FBXL3: variants seen among roughly 807,000 people sequenced by gnomAD.
FBXL3 encodes F-box/LRR-repeat protein 3.
In FBXL3, 14 loss-of-function variants were observed where a neutral mutation model predicts 37.9. The observed-to-expected ratio is 0.37, with a 90% CI of 0.24 to 0.58. The LOEUF (loss-of-function observed/expected upper bound fraction) is 0.58. Ranked by LOEUF, FBXL3 falls within the 20% of genes least tolerant of loss-of-function variation. The pLI, the probability that FBXL3 is intolerant of heterozygous loss-of-function variation, is 0.74. For missense variants in FBXL3, 327 were observed against 511.1 expected, an observed-to-expected ratio of 0.64 and a Z score of 3.47; for synonymous variants, 194 against 180.1, an observed-to-expected ratio of 1.08 and a Z score of -0.62.
intron 1 of FBXL3, among the ~76,000 whole-genome samples, chr13:77,023,006 G>A (rs1254188568): frequency 6.6e-6 from 1 of 152,182 alleles, no homozygotes; most frequent in African/African-American, 2.4e-5. Flanking sequence ...TCAAAGGGGA[G>A]ATACGACTGT....
intron 1 of FBXL3, among the ~76,000 whole-genome samples, chr13:77,024,576 T>C (rs2034804625): frequency 6.6e-6 from 1 of 152,210 alleles, no homozygotes; most frequent in African/African-American, 2.4e-5. Flanking sequence ...TGCTAATAAA[T>C]ACTTTGCTGG....
chr13:77,015,362 T>C lies in FBXL3; in HGVS notation c.643+47A>G, dbSNP rs369199498. On this transcript the variant is annotated intron_variant, in intron 4 of 4. Transcript: ENST00000355619. ...ATCATAGTTTTTTCTAATTTGAACA[T>C]AGCAATGCATTTTACTAAAATGTGT... 1.1e-5 allele frequency: 15 copies of C among 1,381,830 alleles called. 1 individual carries two copies. Among genetic ancestry groups the C allele is most frequent in the Middle Eastern group, 3.8e-4 (2 of 5,296 alleles). The allele number at this position is 1,381,830 out of a possible 1,614,324, so 85.6% of individuals were successfully genotyped here.
At chr13:77,015,998 C>T (rs2034635856) in intron 3 of FBXL3, 1 of 152,366 alleles carries the variant, frequency 6.6e-6, no homozygotes, top group Non-Finnish European at 1.5e-5. Flanking sequence ...CTATTAACAC[C>T]ATCATTAAAA....
rs1187238264 is a variant in FBXL3, at chr13:77,007,714, A to G, written c.718T>C (p.Leu240=). ...ALNYHLLSDE[L]LLALSSEKHV... is the part of the protein sequence containing the mutation. ...TTTTCAGAAGACAATGCAAGTAACA[A>G]CTCATCACTCAATAAGTGGTAGTTC... The change falls in exon 5 of 5, where the codon TTG becomes CTG. Residue 240 remains leucine (L), a synonymous_variant. Coordinates refer to ENST00000355619, the MANE Select transcript of FBXL3 (RefSeq NM_012158.4). 6.2e-7 allele frequency: 1 copy of G among 1,613,998 alleles called. No individual in the cohort carries two copies. Among genetic ancestry groups the G allele is most frequent in the Admixed American group, 1.7e-5 (1 of 59,996 alleles).
At chr13:77,016,155 A>G (rs1312965940) in intron 3 of FBXL3, 1 of 152,320 alleles carries the variant, frequency 6.6e-6, no homozygotes, top group Non-Finnish European at 1.5e-5. Context: ...CAAGTCTTCT[A>G]TTTTAATGTA....
At position 77,007,667 on chromosome 13, in the gene FBXL3, C is replaced by G. The variant is rs1215174703; in HGVS notation, c.765G>C (p.Leu255Phe). The stretch of plus-strand genomic sequence containing the variant: ...GATTCTCACTGACTACATCAATGCG[C>G]AAATGTTCTAATCGAACATGTTTTT... ...SSEKHVRLEH[L>F]RIDVVSENPG... The change falls in exon 5 of 5, where the codon TTG (leucine) becomes TTC (phenylalanine). Residue 255 changes from leucine (L) to phenylalanine (F), a missense_variant. Physicochemically the swap from Leu to Phe is conservative, Grantham distance 22 (BLOSUM62 0). Transcript: ENST00000355619. 6.2e-7 allele frequency: 1 copy of G among 1,614,056 alleles called. No individual in the cohort carries two copies. The highest frequency in any genetic ancestry group is 1.3e-5 in the African/African-American group (1 of 74,920).
rs1460992565 is a variant in FBXL3, at chr13:77,021,879, TCA to T, written c.-1-20_-1-19del. The T allele has an allele frequency of 3.2e-6, 5 of 1,555,738 alleles. No homozygotes were observed. The highest frequency in any genetic ancestry group is 3.5e-6 in the Non-Finnish European group (4 of 1,150,934). On this transcript the variant is annotated intron_variant, in intron 1 of 4. Transcript: ENST00000355619. Reference sequence around the variant, plus strand: ...GTTTCATCCTATTCCGAAAAATGCATCAGTTTTTTTCCTACTCAACTTTTGAA... The same window carrying T: ...GTTTCATCCTATTCCGAAAAATGCATGTTTTTTTCCTACTCAACTTTTGAA...
At chr13:77,014,472 G>C (rs1383375361) in intron 4 of FBXL3, 1 of 152,238 alleles carries the variant, frequency 6.6e-6, no homozygotes, top group African/African-American at 2.4e-5. Flanking sequence ...AAGTGGCAGA[G>C]AGGGCTAAGA....
chr13:77,015,800 GC>G (rs1320283042), intron 3 of FBXL3: 1 of 291,664 alleles, frequency 3.4e-6, no homozygotes, highest in Non-Finnish European at 6.3e-6. Flanking sequence ...GGGGAAAAAA[GC>G]ATTTCAAGCC....
At chr13:77,017,342 G>A (rs1016005446) in intron 3 of FBXL3, 1 of 152,104 alleles carries the variant, frequency 6.6e-6, no homozygotes, top group Non-Finnish European at 1.5e-5. Context: ...ATATGAGTCA[G>A]TATGTATATT....
At position 77,006,673 on chromosome 13, in the gene FBXL3, T is replaced by C. The variant is rs967382551; in HGVS notation, c.*472A>G. ...CATTCATCCAATCTTTTCCATTAGA[T>C]ATGATATATTCATTTTTCTCACAAA... On this transcript the variant is annotated 3_prime_UTR_variant, in exon 5 of 5. Transcript: ENST00000355619. 5.9e-5 allele frequency: 18 copies of C among 304,552 alleles called. No individual in the cohort carries two copies. Among genetic ancestry groups the C allele is most frequent in the Non-Finnish European group, 8.2e-5 (17 of 206,394 alleles). The allele number at this position is 304,552 out of a possible 1,614,324, so 18.9% of individuals were successfully genotyped here. A position where few individuals can be genotyped will look rare whatever the true frequency, so the allele number is the denominator to read the frequency against.
At chr13:77,026,516 G>A in intron 1 of FBXL3, 8 of 441,454 alleles carry the variant, frequency 1.8e-5, no homozygotes, top group Non-Finnish European at 2.4e-5. Context: ...GGGTCATAAA[G>A]CCTGGCAGGA....
intron 2 of FBXL3, 30 bp from the exon 3 acceptor site, chr13:77,018,752 A>G (rs1593932077): frequency 2.7e-6 from 4 of 1,493,412 alleles, no homozygotes; most frequent in Non-Finnish European, 1.8e-6. Flanking sequence ...TTACTCATGA[A>G]TATTTTATTA....
At chr13:77,025,793 A>C (rs1047319107) in intron 1 of FBXL3, among the ~76,000 whole-genome samples, 1 of 151,956 alleles carries the variant, frequency 6.6e-6, no homozygotes, top group Admixed American at 6.6e-5. Flanking sequence ...GCACTTTTAC[A>C]CTGGGCATGC....
intron 3 of FBXL3, chr13:77,017,644 T>C (rs1223158967): frequency 6.6e-6 from 1 of 152,312 alleles, no homozygotes; most frequent in Admixed American, 6.5e-5. Context: ...AATATTAAGA[T>C]AATCAGATTC....
intron 4 of FBXL3, among the ~76,000 whole-genome samples, chr13:77,011,504 T>C (rs1173716162): frequency 6.6e-6 from 1 of 151,982 alleles, no homozygotes; most frequent in Non-Finnish European, 1.5e-5. Context: ...GGAGGAACAC[T>C]TGAGCCCATG....
At chr13:77,011,278 T>G (rs953537068) in intron 4 of FBXL3, among the ~76,000 whole-genome samples, 2 of 145,890 alleles carry the variant, frequency 1.4e-5, no homozygotes, top group Non-Finnish European at 3.0e-5. Flanking sequence ...AGGCGGAGGT[T>G]GCAGTGAGCC....
rs959065728 is a variant in FBXL3, at chr13:77,005,386, A to G, written c.*1759T>C. 1 of 152,600 alleles carries G rather than the reference A, an allele frequency of 6.6e-6. No individual in the cohort carries two copies. The highest frequency in any genetic ancestry group is 6.5e-5 in the Admixed American group (1 of 15,274). The allele number at this position is 152,600 out of a possible 1,614,324, so 9.5% of individuals were successfully genotyped here. A position where few individuals can be genotyped will look rare whatever the true frequency, so the allele number is the denominator to read the frequency against. Reference sequence around the variant, plus strand: ...AGTATTTTAAGCATTATATAATTCAATTTGTACAAAAAGTAAATTTCCAAA... The same window carrying G: ...AGTATTTTAAGCATTATATAATTCAGTTTGTACAAAAAGTAAATTTCCAAA... On this transcript the variant is annotated 3_prime_UTR_variant, in exon 5 of 5. Transcript: ENST00000355619.
At chr13:77,013,813 C>A (rs1287901559) in intron 4 of FBXL3, 1 of 152,116 alleles carries the variant, frequency 6.6e-6, no homozygotes, top group Non-Finnish European at 1.5e-5. Flanking sequence ...GTCTGGGCAA[C>A]GGACAAGGTG....
Sources: allele counts gnomAD v4.1 joint callset (sites outside exome capture counted in the v4.1 genomes callset), GRCh38; gene constraint gnomAD v4.1.1; transcripts MANE v1.5; gene names NCBI Gene and HGNC (gene_info 2026-07-23, HGNC 2026-07-21).